Variants in SMURF1 observed in about 807,000 individuals in gnomAD.
SMURF1 encodes SMAD specific E3 ubiquitin protein ligase 1.
A neutral mutation model predicts 98.0 loss-of-function variants in SMURF1; 44 were observed. The observed-to-expected ratio is 0.45, with a 90% CI of 0.35 to 0.58. SMURF1 has a LOEUF of 0.58. Among genes scored for constraint, SMURF1 ranks in the 20% least tolerant of loss-of-function variants. The pLI is 0.00. For synonymous variants in SMURF1, 396 were observed against 374.9 expected (o/e 1.06, Z -0.65); for missense variants, 687 against 938.4 (o/e 0.73, Z 3.50).
Position 99,076,339 on chromosome 7 carries a change from T to C in SMURF1, c.56-14502A>G, listed in dbSNP as rs548826643. 2.0e-4 allele frequency among the ~76,000 whole-genome samples: 31 copies of C among 152,362 alleles called. No individual in the cohort carries two copies. In the South Asian group the frequency reaches 6.2e-3, roughly 31 times the overall value. On this transcript the variant is annotated intron_variant, in intron 1 of 17. Coordinates refer to ENST00000361368, the MANE Select transcript of SMURF1 (RefSeq NM_181349.3). ...CTCAGCCAGGTGATCAAGGTCAACA[T>C]CAACAGTGACAAGTCACGCTGATAT...
At chr7:99,119,036 T>C (rs1055094158) in intron 1 of SMURF1, among the ~76,000 whole-genome samples, 16 of 102,876 alleles carry the variant, frequency 1.6e-4, no homozygotes, top group East Asian at 1.5e-3. Flanking sequence ...TTTTTTTTTT[T>C]TTTTTTTTAG....
chr7:99,127,985 T>G (rs529332585), intron 1 of SMURF1, among the ~76,000 whole-genome samples: 4 of 152,328 alleles, frequency 2.6e-5, no homozygotes, highest in Admixed American at 2.0e-4. Context: ...AGGTTCCATT[T>G]TCTAAACCAA....
Position 99,100,479 on chromosome 7 carries a change from TG to T in SMURF1, c.56-38643del, listed in dbSNP as rs1479780542. 4.6e-5 allele frequency among the ~76,000 whole-genome samples: 7 copies of T among 152,242 alleles called. No homozygotes were observed. The East Asian group carries it at 1.4e-3, about 29-fold the overall frequency. On this transcript the variant is annotated intron_variant, in intron 1 of 17. Transcript: ENST00000361368. ...CTGAGGCAGGAGAATCGCTTTAACC[TG>T]GGGACAGAGGTTGCAGCGAGCCAAG...
At chr7:99,075,540 G>T (rs1471844592) in intron 1 of SMURF1, among the ~76,000 whole-genome samples, 1 of 152,046 alleles carries the variant, frequency 6.6e-6, no homozygotes, top group Non-Finnish European at 1.5e-5. Flanking sequence ...CCCTTAACCT[G>T]TGGGGTCTTT....
chr7:99,068,095 C>A (rs1335757369), intron 1 of SMURF1, among the ~76,000 whole-genome samples: 1 of 152,244 alleles, frequency 6.6e-6, no homozygotes, highest in East Asian at 1.9e-4. Flanking sequence ...TAGAAACTTT[C>A]ACTGCAATGT....
intron 1 of SMURF1, among the ~76,000 whole-genome samples, 181 bp from the exon 2 acceptor site, chr7:99,062,018 A>T (rs1796044938): frequency 6.6e-6 from 1 of 152,198 alleles, no homozygotes; most frequent in Non-Finnish European, 1.5e-5. Flanking sequence ...TTTCTCCTCA[A>T]ACTGAAGATC....
At chr7:99,054,514 G>T (rs967975120) in intron 6 of SMURF1, among the ~76,000 whole-genome samples, 14 of 151,838 alleles carry the variant, frequency 9.2e-5, no homozygotes, top group African/African-American at 3.4e-4. Context: ...CACCGTATTA[G>T]CCAGGATGGT....
At chr7:99,073,426 C>T (rs532955606) in intron 1 of SMURF1, among the ~76,000 whole-genome samples, 11 of 146,504 alleles carry the variant, frequency 7.5e-5, no homozygotes, top group Non-Finnish European at 1.3e-4. Context: ...CGTTTCCAGT[C>T]GATGTAGCTA....
intron 13 of SMURF1, 33 bp downstream of exon 13, chr7:99,040,345 A>G: frequency 7.0e-7 from 1 of 1,435,950 alleles, no homozygotes; most frequent in East Asian, 2.7e-5. Flanking sequence ...GGTGGGCCCT[A>G]AGCCAGGTGA....
At chr7:99,111,957 A>AGGTG (rs1797334294) in intron 1 of SMURF1, among the ~76,000 whole-genome samples, 2 of 152,044 alleles carry the variant, frequency 1.3e-5, no homozygotes, top group Non-Finnish European at 2.9e-5. Context: ...AGGGGAGGAG[A>AGGTG]GGTGGGGTGT....
At chr7:99,073,375 C>T (rs1348545722) in intron 1 of SMURF1, among the ~76,000 whole-genome samples, 1 of 141,134 alleles carries the variant, frequency 7.1e-6, no homozygotes, top group Admixed American at 7.2e-5. Flanking sequence ...GAGACTCCAT[C>T]TCAAAAAAAA....
chr7:99,137,585 C>T (rs1364031906), intron 1 of SMURF1, among the ~76,000 whole-genome samples: 2 of 152,152 alleles, frequency 1.3e-5, no homozygotes, highest in South Asian at 2.1e-4. Flanking sequence ...AGTTGGGCTC[C>T]GGAGCTTAAA....
intron 15 of SMURF1, 61 bp from the exon 16 acceptor site, chr7:99,035,777 C>A: frequency 6.6e-7 from 1 of 1,512,136 alleles, no homozygotes; most frequent in South Asian, 1.2e-5. Flanking sequence ...CAGGATGCGC[C>A]TCCTAGGTAC....
intron 1 of SMURF1, among the ~76,000 whole-genome samples, chr7:99,083,734 C>T (rs764780083): frequency 6.6e-6 from 1 of 152,216 alleles, no homozygotes; most frequent in Non-Finnish European, 1.5e-5. Flanking sequence ...TCAAACCCCC[C>T]CAAAATGCAG....
At chr7:99,124,395 C>T (rs1797703109) in intron 1 of SMURF1, among the ~76,000 whole-genome samples, 1 of 152,208 alleles carries the variant, frequency 6.6e-6, no homozygotes, top group Admixed American at 6.5e-5. Flanking sequence ...AATACTGAAG[C>T]TTTAATGCTA....
chr7:99,061,612 T>G lies in SMURF1; in HGVS notation c.94+187A>C, dbSNP rs995293955. On this transcript the variant is annotated intron_variant, in intron 2 of 17. Transcript: ENST00000361368. ...GTTTTGCGGTATGATTTATAAGTTC[T>G]GTATATTTCAGCTAAGGAACTACCC... is the stretch of plus-strand genomic sequence containing the variant. Among the ~76,000 whole-genome samples, 5 of 152,232 alleles carry G rather than the reference T, an allele frequency of 3.3e-5. No individual in the cohort carries two copies. The East Asian group carries it at 7.7e-4, about 23-fold the overall frequency.
intron 1 of SMURF1, among the ~76,000 whole-genome samples, chr7:99,063,274 T>G (rs1457781885): frequency 0.02 from 279 of 13,758 alleles, 23 homozygotes; most frequent in Middle Eastern, 0.071. Flanking sequence ...TATATATATA[T>G]ATATATATAT....
intron 11 of SMURF1, chr7:99,045,458 T>C: frequency 2.0e-6 from 1 of 496,128 alleles, no homozygotes; most frequent in Non-Finnish European, 3.5e-6. Context: ...AGAAGTCAAT[T>C]AGTGGTGACA....
chr7:99,077,560 T>C (rs956131417), intron 1 of SMURF1, among the ~76,000 whole-genome samples: 22 of 151,974 alleles, frequency 1.4e-4, no homozygotes, highest in African/African-American at 4.8e-4. Flanking sequence ...TCTTGATCTC[T>C]TGACCTCATG....
Sources: gnomAD v4.1 joint callset for allele counts (sites outside exome capture counted in the v4.1 genomes callset) on GRCh38, gnomAD v4.1.1 for gene constraint, MANE v1.5 for transcripts, NCBI Gene and HGNC (gene_info 2026-07-23, HGNC 2026-07-21) for gene names.